Variants in COX10 observed in about 807,000 individuals in gnomAD.
COX10 encodes the protein protoheme IX farnesyltransferase, mitochondrial.
Under a neutral mutation model 37.3 loss-of-function variants are expected in COX10, and 27 were observed. The ratio of observed to expected loss-of-function variants is 0.72; its 90% CI spans 0.53 to 1.00. The LOEUF is 1.00. Among genes scored for constraint, COX10 ranks in the 50% least tolerant of loss-of-function variants. COX10 has a pLI of 0.00. For synonymous variants in COX10, 222 were observed against 229.1 expected (o/e 0.97, Z 0.28); for missense variants, 475 against 563.2 (o/e 0.84, Z 1.59).
chr17:14,147,582 C>T (rs1271990052), intron 4 of COX10, among the ~76,000 whole-genome samples: 1 of 151,948 alleles, frequency 6.6e-6, no homozygotes, highest in Non-Finnish European at 1.5e-5. Flanking sequence ...GATAGTACAG[C>T]AGAGTGACTA....
chr17:14,206,899 G>C lies in COX10; in HGVS notation c.1018G>C (p.Gly340Arg). The part of the protein sequence containing the change: ...SWGLREDYSR[G>R]GYCMMSVTHP... Reference sequence around the variant, plus strand: ...GGGCCTCCGTGAAGACTACTCCCGGGGCGGCTACTGCATGATGTCGGTCAC... The same window carrying C: ...GGGCCTCCGTGAAGACTACTCCCGGCGCGGCTACTGCATGATGTCGGTCAC... The change falls in exon 7 of 7, where the codon GGC becomes CGC. Residue 340 changes from glycine to arginine, a missense_variant. Gly to Arg is a moderately radical substitution (Grantham distance 125). Around this residue, in one of 5 missense-constraint regions of COX10, gnomAD observed 160 missense variants for 180.6 expected, o/e 0.89. Transcript: ENST00000261643. 6.2e-7 allele frequency: 1 copy of C among 1,613,954 alleles called. No homozygotes were observed. Among genetic ancestry groups the C allele is most frequent in the Non-Finnish European group, 8.5e-7 (1 of 1,179,960 alleles).
Position 14,206,802 on chromosome 17 carries a change from C to CCCT in COX10, c.929-7_929-6insCTC, listed in dbSNP as rs1289951207. The CCCT allele has an allele frequency of 6.2e-7, 1 of 1,614,120 alleles. No homozygotes were observed. Among genetic ancestry groups the CCCT allele is most frequent in the South Asian group, 1.1e-5 (1 of 91,084 alleles). On this transcript the variant is annotated splice_region_variant and splice_polypyrimidine_tract_variant and intron_variant, in intron 6 of 6. Coordinates refer to ENST00000261643, the MANE Select transcript of COX10 (RefSeq NM_001303.4). ...TTGTCTCCCTCTCCTTCCCTGACCCCCGCACAGGCGCATTTCTCCTGGGAG... is the reference window on the plus strand; with the variant it reads ...TTGTCTCCCTCTCCTTCCCTGACCCCCCTCGCACAGGCGCATTTCTCCTGGGAG...
intron 4 of COX10, among the ~76,000 whole-genome samples, chr17:14,142,090 T>G (rs1420763604): frequency 6.6e-6 from 1 of 152,216 alleles, no homozygotes; most frequent in African/African-American, 2.4e-5. Flanking sequence ...GTCACTCAAA[T>G]AAGGAGTAAG....
chr17:14,187,193 T>G (rs2855514), intron 5 of COX10, among the ~76,000 whole-genome samples: 150,571 of 151,528 alleles, frequency 0.99, 74,824 homozygotes, highest in Middle Eastern at 1. Flanking sequence ...CCTACAACAT[T>G]TGCATATCAT....
intron 6 of COX10, among the ~76,000 whole-genome samples, chr17:14,206,262 G>A (rs1035414040): frequency 2.0e-5 from 3 of 152,156 alleles, no homozygotes; most frequent in African/African-American, 7.2e-5. Context: ...AGAACAGGCG[G>A]AGCGGACTTG....
At chr17:14,134,593 A>G (rs16949067) in intron 4 of COX10, among the ~76,000 whole-genome samples, 8,694 of 151,894 alleles carry the variant, frequency 0.057, 368 homozygotes, top group African/African-American at 0.12. Flanking sequence ...GCAAGCACAT[A>G]AAAGGAGATC....
At chr17:14,127,089 G>C (rs1055998337) in intron 4 of COX10, among the ~76,000 whole-genome samples, 4 of 152,076 alleles carry the variant, frequency 2.6e-5, no homozygotes, top group African/African-American at 9.6e-5. Context: ...AGTTTAATTT[G>C]ACCAAAACTG....
chr17:14,140,376 A>G (rs1423971019), intron 4 of COX10, among the ~76,000 whole-genome samples: 2 of 152,102 alleles, frequency 1.3e-5, no homozygotes, highest in African/African-American at 4.8e-5. Context: ...ACTGCCTCAT[A>G]TTCTATCAAG....
intron 3 of COX10, among the ~76,000 whole-genome samples, chr17:14,084,913 G>A (rs886819401): frequency 6.6e-6 from 1 of 152,146 alleles, no homozygotes; most frequent in Non-Finnish European, 1.5e-5. Flanking sequence ...ACCTGCCTCA[G>A]CCTCCCAAAG....
intron 5 of COX10, among the ~76,000 whole-genome samples, chr17:14,176,396 G>GCTGC (rs1905689833): frequency 6.6e-6 from 1 of 152,156 alleles, no homozygotes; most frequent in South Asian, 2.1e-4. Context: ...GTTTAGCCAG[G>GCTGC]CTGCCGATGC....
intron 4 of COX10, among the ~76,000 whole-genome samples, chr17:14,112,414 A>G (rs942080471): frequency 3.9e-5 from 6 of 152,188 alleles, no homozygotes; most frequent in African/African-American, 1.4e-4. Context: ...CATAGTAGAA[A>G]GTGCTGATAT....
rs761936784 is a variant in COX10, at chr17:14,069,586, C to T, written c.-20C>T. The stretch of plus-strand genomic sequence containing the variant: ...GAGAGGACACAGGGATCCCGGGGAG[C>T]GGCCCCAGACTCGTAAATTATGGCC... On this transcript the variant is annotated 5_prime_UTR_variant, in exon 1 of 7. Coordinates refer to ENST00000261643, the MANE Select transcript of COX10 (RefSeq NM_001303.4). The T allele has an allele frequency of 1.2e-6, 2 of 1,613,726 alleles. No individual in the cohort carries two copies. The highest frequency in any genetic ancestry group is 1.7e-6 in the Non-Finnish European group (2 of 1,179,874).
intron 4 of COX10, among the ~76,000 whole-genome samples, chr17:14,153,312 G>A (rs12603348): frequency 6.6e-6 from 1 of 152,132 alleles, no homozygotes; most frequent in African/African-American, 2.4e-5. Flanking sequence ...TTCATCTTTA[G>A]GTGCCATTCA....
chr17:14,085,731 A>G (rs1005122039), intron 3 of COX10, among the ~76,000 whole-genome samples: 5 of 152,208 alleles, frequency 3.3e-5, no homozygotes, highest in African/African-American at 4.8e-5. Flanking sequence ...GGATAAATGT[A>G]TAGAAGTGGT....
chr17:14,162,858 A>G (rs1247250205), intron 5 of COX10, among the ~76,000 whole-genome samples: 1 of 152,232 alleles, frequency 6.6e-6, no homozygotes, highest in Non-Finnish European at 1.5e-5. Flanking sequence ...GATGTTACCA[A>G]TAAAGTTTAT....
At position 14,082,235 on chromosome 17, in the gene COX10, C is replaced by T. The variant is rs143798728; in HGVS notation, c.499+5179C>T. On this transcript the variant is annotated intron_variant, in intron 3 of 6. Transcript: ENST00000261643. Reference sequence around the variant, plus strand: ...AATAAATGGTCAGAGGGAGGAAGACCGGAAAAGACCCTGTCACAGAAGCCA... The same window carrying T: ...AATAAATGGTCAGAGGGAGGAAGACTGGAAAAGACCCTGTCACAGAAGCCA... 1.2e-4 allele frequency among the ~76,000 whole-genome samples: 19 copies of T among 152,096 alleles called. No individual in the cohort carries two copies. The East Asian group carries it at 2.9e-3, about 23-fold the overall frequency.
At chr17:14,097,361 T>C (rs994948236) in intron 3 of COX10, among the ~76,000 whole-genome samples, 1 of 152,038 alleles carries the variant, frequency 6.6e-6, no homozygotes, top group African/African-American at 2.4e-5. Context: ...AATTTCCTTC[T>C]CTCTAGTAAT....
At chr17:14,119,743 G>A (rs1236985175) in intron 4 of COX10, among the ~76,000 whole-genome samples, 2 of 152,110 alleles carry the variant, frequency 1.3e-5, no homozygotes, top group African/African-American at 4.8e-5. Flanking sequence ...AAAACTGAGA[G>A]CCCTGTGATG....
chr17:14,156,001 C>T (rs1905033054), intron 4 of COX10, among the ~76,000 whole-genome samples: 1 of 152,158 alleles, frequency 6.6e-6, no homozygotes, highest in Admixed American at 6.5e-5. Flanking sequence ...GTGAGGCTCT[C>T]TGTGACCCTT....
Sources: gnomAD v4.1 joint callset for allele counts (sites outside exome capture counted in the v4.1 genomes callset) on GRCh38, gnomAD v4.1.1 for gene constraint, gnomAD v4.1.1 regional missense constraint, MANE v1.5 for transcripts, NCBI Gene and HGNC (gene_info 2026-07-23, HGNC 2026-07-21) for gene names.